The following LEPR variants were observed in gnomAD, a reference collection of about 807,000 sequenced individuals.
LEPR encodes the protein OB receptor.
Under a neutral mutation model 114.7 loss-of-function variants are expected in LEPR, and 56 were observed. The observed-to-expected ratio is 0.49, with a 90% CI of 0.39 to 0.61. The LOEUF is 0.61. Ranked by LOEUF, LEPR falls within the 20% of genes least tolerant of loss-of-function variation. The probability of loss-of-function intolerance (pLI) is 0.00; values close to 1 mark genes in which losing one functional copy is unlikely to be tolerated. For missense variants in LEPR, 1,202 were observed against 1,352.9 expected, an observed-to-expected ratio of 0.89 and a Z score of 1.75; for synonymous variants, 443 against 461.4, an observed-to-expected ratio of 0.96 and a Z score of 0.51.
intron 2 of LEPR, among the ~76,000 whole-genome samples, chr1:65,476,295 A>G (rs1034659945): frequency 2.6e-4 from 39 of 151,938 alleles, no homozygotes; most frequent in African/African-American, 9.4e-4. Context: ...CTGCCTGAGG[A>G]CACATCTAAA....
chr1:65,453,295 T>G (rs1171617179), intron 2 of LEPR, among the ~76,000 whole-genome samples: 1 of 152,142 alleles, frequency 6.6e-6, no homozygotes, highest in Non-Finnish European at 1.5e-5. Context: ...TCTGCTCTGA[T>G]TTTAGTTATT....
intron 2 of LEPR, among the ~76,000 whole-genome samples, chr1:65,505,500 ATCC>A (rs1414436351): frequency 6.6e-6 from 1 of 152,060 alleles, no homozygotes; most frequent in African/African-American, 2.4e-5. Context: ...ATGGACTGCA[ATCC>A]TCAGGCCTCC....
intron 3 of LEPR, among the ~76,000 whole-genome samples, chr1:65,567,514 C>A (rs1262975756): frequency 6.6e-6 from 1 of 152,048 alleles, no homozygotes; most frequent in Non-Finnish European, 1.5e-5. Flanking sequence ...TGTTGTGATA[C>A]CTAATTGTTA....
chr1:65,448,051 A>G (rs564645701), intron 2 of LEPR, among the ~76,000 whole-genome samples: 1 of 152,250 alleles, frequency 6.6e-6, no homozygotes, highest in South Asian at 2.1e-4. Context: ...GATTTCCAAT[A>G]TGATGTTGAA....
At chr1:65,455,315 G>C (rs973924570) in intron 2 of LEPR, among the ~76,000 whole-genome samples, 1 of 152,178 alleles carries the variant, frequency 6.6e-6, no homozygotes, top group African/African-American at 2.4e-5. Flanking sequence ...GCTTTGTTCC[G>C]TTGCTGGTGA....
chr1:65,457,397 T>A (rs1195972076), intron 2 of LEPR, among the ~76,000 whole-genome samples: 1 of 152,182 alleles, frequency 6.6e-6, no homozygotes, highest in Non-Finnish European at 1.5e-5. Context: ...CTAGTCTTTA[T>A]TCTCTTTGCT....
Position 65,641,378 on chromosome 1 carries a change from T to C in LEPR, c.*4363T>C, listed in dbSNP as rs1644865898. 1 of 152,224 alleles carries C rather than the reference T, an allele frequency of 6.6e-6. No homozygotes were observed. The highest frequency in any genetic ancestry group is 2.1e-4 in the South Asian group (1 of 4,838). 9.4% of individuals were successfully genotyped at this position (152,224 alleles called of 1,614,324 possible). A position where few individuals can be genotyped will look rare whatever the true frequency, so the allele number is the denominator to read the frequency against. On this transcript the variant is annotated 3_prime_UTR_variant, in exon 20 of 20. Coordinates refer to ENST00000349533, the MANE Select transcript of LEPR (RefSeq NM_002303.6). ...TCTTTAGTCACAACTGGTATTTTAATAAATGTTATAAACGTAAGTGCCAAG... is the reference window on the plus strand; with the variant it reads ...TCTTTAGTCACAACTGGTATTTTAACAAATGTTATAAACGTAAGTGCCAAG...
At chr1:65,566,425 C>G (rs1386527773) in intron 3 of LEPR, among the ~76,000 whole-genome samples, 1 of 152,164 alleles carries the variant, frequency 6.6e-6, no homozygotes, top group East Asian at 1.9e-4. Context: ...TGGTCTCAAT[C>G]TCTTGACCTC....
At chr1:65,474,531 T>A (rs1251414551) in intron 2 of LEPR, among the ~76,000 whole-genome samples, 1 of 152,228 alleles carries the variant, frequency 6.6e-6, no homozygotes, top group Non-Finnish European at 1.5e-5. Flanking sequence ...GAGAAGTCTT[T>A]GAGCAGTCAA....
intron 2 of LEPR, among the ~76,000 whole-genome samples, chr1:65,477,079 TTTC>T (rs904929083): frequency 2.0e-5 from 3 of 152,186 alleles, no homozygotes; most frequent in African/African-American, 4.8e-5. Context: ...CCATTCAGTT[TTTC>T]TTCTTTTTTT....
chr1:65,609,859 T>C (rs1289606947), intron 12 of LEPR, 88 bp from the exon 13 acceptor site: 5 of 1,572,666 alleles, frequency 3.2e-6, no homozygotes, highest in Non-Finnish European at 4.4e-6. Context: ...TGGAATAGTG[T>C]TAAGGTTTAA....
rs560236330 is a variant in LEPR, at chr1:65,556,404, A to C, written c.-20-9142A>C. Among the ~76,000 whole-genome samples, 11 of 152,248 alleles carry C rather than the reference A, an allele frequency of 7.2e-5. No homozygotes were observed. In the East Asian group the frequency reaches 2.1e-3, roughly 29 times the overall value. On this transcript the variant is annotated intron_variant, in intron 2 of 19. Transcript: ENST00000349533. ...GTGATGTCTGTGACTGGCTCAGTTCATGCAGCTCTACTTGTGGAATGTGCA... is the reference window on the plus strand; with the variant it reads ...GTGATGTCTGTGACTGGCTCAGTTCCTGCAGCTCTACTTGTGGAATGTGCA...
rs539165880 is a variant in LEPR, at chr1:65,439,504, A to G, written c.-21+14126A>G. 3.9e-5 allele frequency among the ~76,000 whole-genome samples: 6 copies of G among 152,324 alleles called. No individual in the cohort carries two copies. The South Asian group carries it at 1.2e-3, about 32-fold the overall frequency. On this transcript the variant is annotated intron_variant, in intron 2 of 19. Coordinates refer to ENST00000349533, the MANE Select transcript of LEPR (RefSeq NM_002303.6). ...CAAATGGGCAAGACAAATAATTTTT[A>G]AAGTAAAAAATAATTCAATAGTGAA... is the stretch of plus-strand genomic sequence containing the variant.
chr1:65,635,142 A>G, intron 19 of LEPR: 1 of 945,574 alleles, frequency 1.1e-6, no homozygotes, highest in Non-Finnish European at 1.3e-6. Context: ...AGCTGGGTAT[A>G]CCATTATTTC....
intron 7 of LEPR, among the ~76,000 whole-genome samples, chr1:65,597,691 T>C (rs890631425): frequency 2.6e-5 from 4 of 152,134 alleles, no homozygotes; most frequent in Non-Finnish European, 4.4e-5. Flanking sequence ...TTGGGCCATG[T>C]GAATACTTTG....
intron 2 of LEPR, among the ~76,000 whole-genome samples, chr1:65,538,806 C>T (rs1226531591): frequency 6.6e-6 from 1 of 151,370 alleles, no homozygotes; most frequent in Admixed American, 6.6e-5. Flanking sequence ...TTCCATTCTT[C>T]TTTCTTGGAG....
chr1:65,582,906 A>G (rs1384262428), intron 5 of LEPR, among the ~76,000 whole-genome samples: 5 of 152,212 alleles, frequency 3.3e-5, no homozygotes, highest in Non-Finnish European at 7.4e-5. Context: ...TCTTTTAAAG[A>G]AAACAAAGTT....
Position 65,636,343 on chromosome 1 carries a change from A to G in LEPR, c.2826A>G (p.Leu942=). The stretch of plus-strand genomic sequence containing the variant: ...TGATGCCAACAACTGTGGTCTCTCT[A>G]CTTTCAACAACAGATCTTGAAAAGG... The part of the protein sequence containing the change: ...DEMMPTTVVS[L]LSTTDLEKGS... Residue 942 remains leucine (L), a synonymous_variant, in exon 20 of 20, where the codon CTA becomes CTG. Coordinates refer to ENST00000349533, the MANE Select transcript of LEPR (RefSeq NM_002303.6). The G allele has an allele frequency of 6.2e-7, 1 of 1,614,082 alleles. No individual in the cohort carries two copies. The highest frequency in any genetic ancestry group is 8.5e-7 in the Non-Finnish European group (1 of 1,179,990).
intron 19 of LEPR, among the ~76,000 whole-genome samples, chr1:65,629,674 CCTCT>C (rs1039493674): frequency 6.6e-5 from 10 of 151,346 alleles, no homozygotes; most frequent in African/African-American, 2.2e-4. Context: ...TCTCTCCCTC[CCTCT>C]CTTTCTTTCT....
Sources: gnomAD v4.1 joint callset for allele counts (sites outside exome capture counted in the v4.1 genomes callset) on GRCh38, gnomAD v4.1.1 for gene constraint, MANE v1.5 for transcripts, NCBI Gene and HGNC (gene_info 2026-07-23, HGNC 2026-07-21) for gene names.